The following SINHCAF variants were observed in gnomAD, a reference collection of about 807,000 sequenced individuals.
SINHCAF encodes SIN3-HDAC complex-associated factor.
A neutral mutation model predicts 25.8 loss-of-function variants in SINHCAF; 3 were observed. That is an observed-to-expected ratio of 0.12 (90% CI 0.05 to 0.30). The LOEUF is 0.30. SINHCAF is among the 10% of genes least tolerant of loss of function. SINHCAF has a pLI of 1.00. For missense variants in SINHCAF, 121 were observed against 262.3 expected, an observed-to-expected ratio of 0.46 and a Z score of 3.72; for synonymous variants, 70 against 85.5, an observed-to-expected ratio of 0.82 and a Z score of 1.00.
Position 31,298,216 on chromosome 12 carries a change from G to T in SINHCAF, c.-12C>A, listed in dbSNP as rs759166514. 1 of 1,613,738 alleles carries T rather than the reference G, an allele frequency of 6.2e-7. No homozygotes were observed. The highest frequency in any genetic ancestry group is 8.5e-7 in the Non-Finnish European group (1 of 1,179,968). On this transcript the variant is annotated 5_prime_UTR_variant, in exon 2 of 6. Transcript: ENST00000337682. ...TGAAAACCAAACATCTTTTCTTCTGGGCAATAGTCTGTAAAGCCAAGGGAA... is the reference window on the plus strand; with the variant it reads ...TGAAAACCAAACATCTTTTCTTCTGTGCAATAGTCTGTAAAGCCAAGGGAA...
At chr12:31,283,840 T>G (rs940975502) in intron 5 of SINHCAF, among the ~76,000 whole-genome samples, 2 of 134,974 alleles carry the variant, frequency 1.5e-5, no homozygotes, top group Non-Finnish European at 1.6e-5. Context: ...CTAATCATAC[T>G]GCACAGTTAT....
intron 1 of SINHCAF, among the ~76,000 whole-genome samples, chr12:31,300,420 C>A (rs372520277): frequency 6.6e-6 from 1 of 152,062 alleles, no homozygotes; most frequent in East Asian, 1.9e-4. Context: ...TAAACAGTTA[C>A]CTCTAAGAAC....
chr12:31,318,638 A>G (rs1939585869), intron 1 of SINHCAF, among the ~76,000 whole-genome samples: 1 of 134,936 alleles, frequency 7.4e-6, no homozygotes, highest in Non-Finnish European at 1.6e-5. Context: ...GGCCCCTCCA[A>G]TTTTGGTAGA....
intron 2 of SINHCAF, among the ~76,000 whole-genome samples, chr12:31,297,864 T>C (rs1330088125): frequency 6.6e-6 from 1 of 152,116 alleles, no homozygotes; most frequent in Non-Finnish European, 1.5e-5. Flanking sequence ...TTAAGGGGCT[T>C]CACGATTAAT....
At chr12:31,307,370 A>G (rs1194905517) in intron 1 of SINHCAF, among the ~76,000 whole-genome samples, 1 of 152,108 alleles carries the variant, frequency 6.6e-6, no homozygotes, top group Non-Finnish European at 1.5e-5. Flanking sequence ...AGCCTGGGCA[A>G]CATGGTAAGC....
chr12:31,290,140 T>TTTTGTTTG (rs138412589), intron 4 of SINHCAF, among the ~76,000 whole-genome samples: 12 of 151,468 alleles, frequency 7.9e-5, no homozygotes, highest in Non-Finnish European at 1.8e-4. Context: ...ATGTTTTTGT[T>TTTTGTTTG]TTTGTTTGTT....
Position 31,324,921 on chromosome 12 carries a change from C to G in SINHCAF, c.-21+1103G>C. The G allele has an allele frequency of 2.2e-6, 1 of 454,936 alleles. No homozygotes were observed. The highest frequency in any genetic ancestry group is 4.4e-6 in the Non-Finnish European group (1 of 225,762). The allele number at this position is 454,936 out of a possible 1,614,324, so 28.2% of individuals were successfully genotyped here. ...CACTCTGCTTTTTAAACTGGCAAGA[C>G]GCCATCATCAGCAAACCACATTGTC... On this transcript the variant is annotated intron_variant, in intron 1 of 5. Coordinates refer to ENST00000337682, the MANE Select transcript of SINHCAF (RefSeq NM_001135812.2). This position sits in a 1 kb window ranked among gnomAD's most constrained non-coding sequence, Gnocchi z 5.5.
chr12:31,306,068 G>A (rs900473707), intron 1 of SINHCAF, among the ~76,000 whole-genome samples: 1 of 152,160 alleles, frequency 6.6e-6, no homozygotes, highest in African/African-American at 2.4e-5. Context: ...AGTTCAAAAG[G>A]GGACTCCCCA....
chr12:31,305,969 G>T (rs1355004238), intron 1 of SINHCAF, among the ~76,000 whole-genome samples: 1 of 152,154 alleles, frequency 6.6e-6, no homozygotes, highest in African/African-American at 2.4e-5. Flanking sequence ...CAAGTGCTGG[G>T]ATTACAGGCA....
chr12:31,291,813 T>C (rs908266185), intron 4 of SINHCAF, among the ~76,000 whole-genome samples: 1 of 150,258 alleles, frequency 6.7e-6, no homozygotes, highest in African/African-American at 2.4e-5. Flanking sequence ...AATACAGGCC[T>C]GGTATGTGCA....
chr12:31,292,545 T>C (rs1458164608), intron 4 of SINHCAF, among the ~76,000 whole-genome samples: 1 of 150,894 alleles, frequency 6.6e-6, no homozygotes, highest in African/African-American at 2.4e-5. Flanking sequence ...GAATGGAAGG[T>C]AGAGTTAAAT....
At chr12:31,310,607 T>C (rs963619118) in intron 1 of SINHCAF, among the ~76,000 whole-genome samples, 6 of 152,206 alleles carry the variant, frequency 3.9e-5, no homozygotes, top group Admixed American at 6.5e-5. Context: ...TTTTTCATCA[T>C]TGTGCAGGAC....
intron 1 of SINHCAF, among the ~76,000 whole-genome samples, chr12:31,315,616 T>C (rs1242501976): frequency 6.6e-6 from 1 of 152,204 alleles, no homozygotes; most frequent in African/African-American, 2.4e-5. Context: ...TTATGGGAGT[T>C]TGTAACGCTT....
chr12:31,297,972 AT>A, intron 2 of SINHCAF, 104 bp downstream of exon 2: 1 of 1,159,746 alleles, frequency 8.6e-7, no homozygotes. Context: ...AGAATAAGTG[AT>A]TTTTATTATT....
intron 1 of SINHCAF, among the ~76,000 whole-genome samples, chr12:31,312,260 G>A (rs1172342769): frequency 6.6e-6 from 1 of 152,168 alleles, no homozygotes; most frequent in Non-Finnish European, 1.5e-5. Context: ...ATTCCGTTGT[G>A]TGACAGCATA....
At position 31,319,971 on chromosome 12, in the gene SINHCAF, T is replaced by C. The variant is rs2137137875; in HGVS notation, c.-21+6053A>G. ...CTGAGCTCTTCCTTCACCCTCTGCATGGCCCTCCATCAAATTTATTGTGAA... is the reference window on the plus strand; with the variant it reads ...CTGAGCTCTTCCTTCACCCTCTGCACGGCCCTCCATCAAATTTATTGTGAA... On this transcript the variant is annotated intron_variant, in intron 1 of 5. Transcript: ENST00000337682. Among the ~76,000 whole-genome samples the C allele has an allele frequency of 2.0e-5, 3 of 152,324 alleles. No individual in the cohort carries two copies. In the South Asian group the frequency reaches 6.2e-4, roughly 32 times the overall value.
intron 1 of SINHCAF, among the ~76,000 whole-genome samples, chr12:31,313,743 G>C (rs1939376028): frequency 6.6e-6 from 1 of 151,998 alleles, no homozygotes; most frequent in African/African-American, 2.4e-5. Context: ...CCACCTCCTG[G>C]GTTCAAGCGA....
Position 31,324,155 on chromosome 12 carries a change from G to T in SINHCAF, c.-21+1869C>A, listed in dbSNP as rs1407175412. The T allele has an allele frequency of 7.7e-6, 3 of 391,970 alleles. No individual in the cohort carries two copies. The Admixed American group carries it at 8.0e-5, about 11-fold the overall frequency. 24.3% of individuals were successfully genotyped at this position (391,970 alleles called of 1,614,324 possible). On this transcript the variant is annotated intron_variant, in intron 1 of 5. Coordinates refer to ENST00000337682, the MANE Select transcript of SINHCAF (RefSeq NM_001135812.2). The surrounding 1 kb of genome is among the most constrained non-coding windows in gnomAD (Gnocchi z 5.5). The stretch of plus-strand genomic sequence containing the variant: ...CGCCGCCACCTCCCTCACCTGCGCC[G>T]GAACAACGGGCCCCGCGCCAGCCCG...
intron 1 of SINHCAF, among the ~76,000 whole-genome samples, chr12:31,316,193 AC>A (rs1239583192): frequency 6.6e-6 from 1 of 152,016 alleles, no homozygotes; most frequent in African/African-American, 2.4e-5. Flanking sequence ...TAAAAAAAAA[AC>A]CATGCCATAA....
Sources: allele counts gnomAD v4.1 joint callset (sites outside exome capture counted in the v4.1 genomes callset), GRCh38; gene constraint gnomAD v4.1.1; non-coding constraint Gnocchi (gnomAD v3.1); transcripts MANE v1.5; gene names NCBI Gene and HGNC (gene_info 2026-07-23, HGNC 2026-07-21).